The following CYP3A4 variants were observed in gnomAD, a reference collection of about 807,000 sequenced individuals.
The protein encoded by CYP3A4 is cytochrome P450 family 3 subfamily A member 4.
In CYP3A4, 41 loss-of-function variants were observed where a neutral mutation model predicts 54.9. That is an observed-to-expected ratio of 0.75 (90% CI 0.58 to 0.97). The LOEUF is 0.97. CYP3A4 is among the 50% of genes least tolerant of loss of function. The pLI is 0.00. For missense variants in CYP3A4, 510 were observed against 597.3 expected (o/e 0.85, Z 1.52); for synonymous variants, 179 against 205.2 (o/e 0.87, Z 1.09).
intron 1 of CYP3A4, among the ~76,000 whole-genome samples, chr7:99,782,307 G>T (rs928419905): frequency 2.0e-5 from 3 of 152,194 alleles, no homozygotes; most frequent in African/African-American, 4.8e-5. Context: ...GGCAAACTGT[G>T]TAGTTTCTTT....
At chr7:99,759,859 C>CA (rs754075762) in intron 12 of CYP3A4, among the ~76,000 whole-genome samples, 1 of 150,230 alleles carries the variant, frequency 6.7e-6, no homozygotes, top group Non-Finnish European at 1.5e-5. Flanking sequence ...TTTTTTGAGA[C>CA]AGAGTCTCGC....
chr7:99,774,680 T>C (rs1469790456), intron 3 of CYP3A4, among the ~76,000 whole-genome samples: 1 of 152,142 alleles, frequency 6.6e-6, no homozygotes, highest in African/African-American at 2.4e-5. Flanking sequence ...TAGGTATCAA[T>C]GGAACGTATC....
intron 6 of CYP3A4, 23 bp downstream of exon 6, chr7:99,769,745 C>A (rs1815577979): frequency 6.2e-7 from 1 of 1,613,554 alleles, no homozygotes; most frequent in African/African-American, 1.3e-5. Context: ...AGCTCAGAAC[C>A]CCATGGCTGC....
intron 3 of CYP3A4, among the ~76,000 whole-genome samples, chr7:99,777,661 T>C (rs1424591214): frequency 6.6e-6 from 1 of 152,106 alleles, no homozygotes; most frequent in African/African-American, 2.4e-5. Context: ...AAAATATTTC[T>C]GCAAGGACAC....
intron 4 of CYP3A4, 127 bp from the exon 5 acceptor site, chr7:99,770,362 C>G (rs1815599918): frequency 1.5e-6 from 1 of 686,570 alleles, no homozygotes; most frequent in Non-Finnish European, 2.3e-6. Flanking sequence ...GTGATGGGCC[C>G]TATGCTAGAT....
chr7:99,774,517 G>A (rs1163357012), intron 3 of CYP3A4, among the ~76,000 whole-genome samples: 2 of 152,090 alleles, frequency 1.3e-5, no homozygotes, highest in East Asian at 3.8e-4. Flanking sequence ...GTCATCCCTG[G>A]GATGCAAGGC....
intron 3 of CYP3A4, among the ~76,000 whole-genome samples, chr7:99,773,354 C>T (rs1314895968): frequency 1.3e-5 from 2 of 152,200 alleles, no homozygotes; most frequent in Non-Finnish European, 2.9e-5. Context: ...ACCTAATAGA[C>T]ATCTACAGAA....
intron 8 of CYP3A4, 164 bp from the exon 9 acceptor site, chr7:99,766,607 T>C (rs1815483171): frequency 1.2e-6 from 1 of 824,496 alleles, no homozygotes; most frequent in Non-Finnish European, 1.9e-6. Flanking sequence ...CCCTTCTAAA[T>C]CCTTGGAAAG....
At chr7:99,759,841 ATT>A (rs113554736) in intron 12 of CYP3A4, among the ~76,000 whole-genome samples, 1 of 144,196 alleles carries the variant, frequency 6.9e-6, no homozygotes, top group African/African-American at 2.5e-5. Flanking sequence ...AGGGAACAAC[ATT>A]TTTTTTTTTT....
intron 12 of CYP3A4, among the ~76,000 whole-genome samples, chr7:99,760,348 G>T (rs1333921946): frequency 1.3e-5 from 2 of 152,180 alleles, no homozygotes; most frequent in African/African-American, 4.8e-5. Flanking sequence ...AATTAGTTTA[G>T]AATTTCTGTG....
At chr7:99,782,975 C>T (rs1815964566) in intron 1 of CYP3A4, among the ~76,000 whole-genome samples, 1 of 151,928 alleles carries the variant, frequency 6.6e-6, no homozygotes, top group African/African-American at 2.4e-5. Flanking sequence ...TCATTTGTCA[C>T]CTAGAAGGAA....
intron 11 of CYP3A4, 64 bp downstream of exon 11, chr7:99,761,977 G>A: frequency 7.9e-6 from 11 of 1,393,042 alleles, no homozygotes; most frequent in Non-Finnish European, 1.1e-5. Context: ...TGTAGATTAA[G>A]AGAGGCAGAA....
At chr7:99,767,438 A>G (rs1262424300) in intron 7 of CYP3A4, among the ~76,000 whole-genome samples, 180 bp from the exon 8 acceptor site, 1 of 152,200 alleles carries the variant, frequency 6.6e-6, no homozygotes, top group Non-Finnish European at 1.5e-5. Flanking sequence ...GAGCAAGGGC[A>G]GGTCTATGCA....
chr7:99,765,687 G>T (rs1055440731), intron 9 of CYP3A4, among the ~76,000 whole-genome samples: 1 of 152,124 alleles, frequency 6.6e-6, no homozygotes, highest in African/African-American at 2.4e-5. Flanking sequence ...ATTGACCATG[G>T]TCATCATTTT....
rs778205180 is a variant in CYP3A4, at chr7:99,767,080, A to C, written c.798+51T>G. ...TGCACTGATCATATGTATATTATCTAAAAAATTATGAAAAACTAAACATCC... is the reference window on the plus strand; with the variant it reads ...TGCACTGATCATATGTATATTATCTCAAAAATTATGAAAAACTAAACATCC... On this transcript the variant is annotated intron_variant, in intron 8 of 12. Transcript: ENST00000651514. 12 of 1,566,646 alleles carry C rather than the reference A, an allele frequency of 7.7e-6. No individual in the cohort carries two copies. The South Asian group carries it at 1.4e-4, about 18-fold the overall frequency.
In CYP3A4 at chr7:99,762,106, A is replaced by C; in HGVS notation, c.1188T>G (p.Ile396Met). Reference protein sequence around the residue: ...MFIPKGVVVMIPSYALHRDPK... With the variant: ...MFIPKGVVVMMPSYALHRDPK... ...GGTCACGGTGAAGAGCATAGCTTGGAATCATCACCACCACCCCTTTGGGAA... is the reference window on the plus strand; with the variant it reads ...GGTCACGGTGAAGAGCATAGCTTGGCATCATCACCACCACCCCTTTGGGAA... Residue 396 changes from isoleucine to methionine, a missense_variant, in exon 11 of 13, where the codon ATT (isoleucine) becomes ATG (methionine). Physicochemically the swap from Ile to Met is conservative, Grantham distance 10. Coordinates refer to ENST00000651514, the MANE Select transcript of CYP3A4 (RefSeq NM_017460.6). 1 of 1,613,978 alleles carries C rather than the reference A, an allele frequency of 6.2e-7. No individual in the cohort carries two copies. Among genetic ancestry groups the C allele is most frequent in the South Asian group, 1.1e-5 (1 of 91,060 alleles).
At chr7:99,780,978 C>T (rs1472223701) in intron 1 of CYP3A4, among the ~76,000 whole-genome samples, 2 of 152,180 alleles carry the variant, frequency 1.3e-5, no homozygotes, top group Admixed American at 1.3e-4. Context: ...TGTGCCCCTA[C>T]CAAAATCTCA....
Position 99,769,602 on chromosome 7 carries a change from C to T in CYP3A4, c.521+166G>A, listed in dbSNP as rs559686715. The T allele has an allele frequency of 1.0e-4, 68 of 647,908 alleles. No individual in the cohort carries two copies. In the African/African-American group the frequency reaches 1.2e-3, roughly 12 times the overall value. 40.1% of individuals were successfully genotyped at this position (647,908 alleles called of 1,614,324 possible). ...TCCTTTTCCTCCAGCTGCCCCACCT[C>T]CTCATCGGAGCTGCCCCATCTTGGG... On this transcript the variant is annotated intron_variant, in intron 6 of 12. Coordinates refer to ENST00000651514, the MANE Select transcript of CYP3A4 (RefSeq NM_017460.6).
chr7:99,762,314 CT>C (rs1815359520), intron 10 of CYP3A4, 47 bp from the exon 11 acceptor site: 1 of 1,595,318 alleles, frequency 6.3e-7, no homozygotes, highest in African/African-American at 1.3e-5. Context: ...TTTGAATTAA[CT>C]TTTAACTCAG....
Sources: gnomAD v4.1 joint callset for allele counts (sites outside exome capture counted in the v4.1 genomes callset) on GRCh38, gnomAD v4.1.1 for gene constraint, MANE v1.5 for transcripts, NCBI Gene and HGNC (gene_info 2026-07-23, HGNC 2026-07-21) for gene names.